Variants in TM2D3 observed in about 807,000 individuals in gnomAD.
TM2D3 encodes the protein TM2 domain containing 3.
TM2D3 carries 33 observed loss-of-function variants against 27.3 expected under a neutral mutation model. The observed-to-expected ratio is 1.21, with a 90% confidence interval of 0.92 to 1.61. The LOEUF (loss-of-function observed/expected upper bound fraction) is 1.61. Ranked by LOEUF, TM2D3 falls within the 40% of genes most tolerant of loss-of-function variation. TM2D3 has a pLI of 0.00. For missense variants in TM2D3, 364 were observed against 320.8 expected (o/e 1.13, Z -1.03); for synonymous variants, 138 against 122.2 (o/e 1.13, Z -0.85).
At chr15:101,651,460 T>C (rs1469824422) in intron 2 of TM2D3, 2 of 488,502 alleles carry the variant, frequency 4.1e-6, no homozygotes, top group Non-Finnish European at 7.3e-6. Context: ...AGAAATAAGG[T>C]GACAAATGAG....
intron 4 of TM2D3, chr15:101,635,555 G>T (rs181644970): frequency 6.6e-6 from 1 of 152,124 alleles, no homozygotes. Context: ...TAGAGAAGGC[G>T]AATCCGTGTT....
chr15:101,646,291 A>G (rs1375902185), intron 4 of TM2D3: 1 of 170,320 alleles, frequency 5.9e-6, no homozygotes, highest in Non-Finnish European at 1.3e-5. Context: ...ATTGAATATT[A>G]TTTTATTACA....
intron 5 of TM2D3, among the ~76,000 whole-genome samples, chr15:101,643,990 C>A (rs1896739602): frequency 6.6e-6 from 1 of 152,086 alleles, no homozygotes; most frequent in East Asian, 1.9e-4. Flanking sequence ...GCTGGAACCA[C>A]AGACATGAAC....
chr15:101,646,436 T>C (rs1198196750), intron 4 of TM2D3: 5 of 182,582 alleles, frequency 2.7e-5, no homozygotes, highest in Admixed American at 1.4e-4. Context: ...CGCAATGGTA[T>C]TGGTGCTGCT....
intron 2 of TM2D3, 115 bp from the exon 3 acceptor site, chr15:101,650,276 G>A: frequency 9.3e-7 from 1 of 1,071,496 alleles, no homozygotes; most frequent in Non-Finnish European, 1.3e-6. Context: ...CACTGGAAGG[G>A]AAGAAGCATG....
chr15:101,644,110 C>T (rs57620933), intron 5 of TM2D3, among the ~76,000 whole-genome samples: 25,077 of 152,084 alleles, frequency 0.16, 3,070 homozygotes, highest in African/African-American at 0.34. Flanking sequence ...CCTCCCAAAG[C>T]GCTGGGATTA....
At position 101,642,496 on chromosome 15, in the gene TM2D3, C is replaced by A. The variant is rs777678911; in HGVS notation, c.727G>T (p.Gly243Cys). The A allele has an allele frequency of 6.2e-7, 1 of 1,612,284 alleles. No homozygotes were observed. Among genetic ancestry groups the A allele is most frequent in the South Asian group, 1.1e-5 (1 of 90,776 alleles). ...IGVGYVGPAD[G>C]SLYI is the part of the protein sequence containing the mutation. ...CACCACAGCTAAATGTACAAAGAGC[C>A]ATCTGCTGGTCCAACATAGCCAACT... The change falls in exon 6 of 6, where the codon GGC (glycine) becomes TGC (cysteine). Residue 243 changes from glycine to cysteine, a missense_variant. Physicochemically the swap from Gly to Cys is radical, Grantham distance 159 (BLOSUM62 -3). Coordinates refer to ENST00000333202, the MANE Select transcript of TM2D3 (RefSeq NM_078474.3).
downstream of TM2D3, among the ~76,000 whole-genome samples, chr15:101,638,672 AT>A (rs535486557): frequency 2.7e-3 from 413 of 151,824 alleles, 1 homozygote; most frequent in African/African-American, 9.3e-3. Context: ...CTGAGCAATA[AT>A]TTTTTTTCCC....
downstream of TM2D3, chr15:101,636,975 A>G (rs1000228998): frequency 1.3e-5 from 5 of 391,292 alleles, no homozygotes; most frequent in African/African-American, 6.3e-5. Flanking sequence ...ACCAAATATG[A>G]GTGAGGCACA....
intron 2 of TM2D3, 53 bp downstream of exon 2, chr15:101,651,643 G>C: frequency 6.6e-7 from 1 of 1,516,582 alleles, no homozygotes; most frequent in Non-Finnish European, 9.0e-7. Context: ...AAAACAAAGA[G>C]AAACTACTAG....
chr15:101,645,292 G>C, intron 4 of TM2D3, 130 bp from the exon 5 acceptor site: 1 of 744,772 alleles, frequency 1.3e-6, no homozygotes, highest in South Asian at 1.8e-5. Flanking sequence ...ATGTTGAAGT[G>C]AAGAGTACAA....
intron 4 of TM2D3, chr15:101,646,403 A>ACGC: frequency 9.3e-6 from 3 of 321,550 alleles, no homozygotes; most frequent in Non-Finnish European, 1.7e-5. Flanking sequence ...AGGTGAAGGC[A>ACGC]AGCACTCAGG....
chr15:101,646,703 A>T (rs759501488), intron 4 of TM2D3, 22 bp downstream of exon 4: 1 of 1,613,936 alleles, frequency 6.2e-7, no homozygotes. Flanking sequence ...TTGTTGACAA[A>T]TGTCCTTGAA....
chr15:101,643,274 C>T (rs1896714522), intron 5 of TM2D3, among the ~76,000 whole-genome samples: 1 of 152,086 alleles, frequency 6.6e-6, no homozygotes, highest in Non-Finnish European at 1.5e-5. Context: ...CTGAAGCAAA[C>T]CTTGGGCATC....
intron 4 of TM2D3, 44 bp from the exon 5 acceptor site, chr15:101,645,206 C>T (rs751832419): frequency 3.4e-6 from 5 of 1,491,786 alleles, no homozygotes; most frequent in Non-Finnish European, 3.6e-6. Context: ...ATAAAAAATA[C>T]TCTCAGAAAG....
intron 5 of TM2D3, among the ~76,000 whole-genome samples, chr15:101,643,340 C>T (rs531498101): frequency 1.3e-4 from 20 of 152,188 alleles, no homozygotes; most frequent in South Asian, 4.1e-4. Flanking sequence ...CGGTGGCTCA[C>T]GCCTGTCATC....
At chr15:101,648,193 G>A (rs755269922) in intron 3 of TM2D3, 5 of 151,586 alleles carry the variant, frequency 3.3e-5, no homozygotes, top group South Asian at 2.1e-4. Flanking sequence ...CACCACGCCC[G>A]GCCCATGTTT....
chr15:101,641,758 C>A (rs755457471), downstream of TM2D3: 96 of 441,550 alleles, frequency 2.2e-4, no homozygotes, highest in Non-Finnish European at 2.8e-4. Flanking sequence ...GAGTAATGCC[C>A]TGAAAGATAA....
chr15:101,645,628 A>C (rs1896785098), intron 4 of TM2D3: 1 of 153,278 alleles, frequency 6.5e-6, no homozygotes, highest in South Asian at 2.0e-4. Context: ...GACCAATTCC[A>C]GGTGGATTCT....
Sources: allele counts gnomAD v4.1 joint callset (sites outside exome capture counted in the v4.1 genomes callset), GRCh38; gene constraint gnomAD v4.1.1; transcripts MANE v1.5; gene names NCBI Gene and HGNC (gene_info 2026-07-23, HGNC 2026-07-21).